ACSM3: variants seen among roughly 807,000 people sequenced by gnomAD.
ACSM3 encodes acyl-CoA synthetase medium chain family member 3.
In ACSM3, 61 loss-of-function variants were observed where a neutral mutation model predicts 74.1. That is an observed-to-expected ratio of 0.82 (90% confidence interval 0.67 to 1.02). ACSM3 has a LOEUF of 1.02. ACSM3 is among the 50% of genes least tolerant of loss of function. ACSM3 has a pLI of 0.00. For missense variants in ACSM3, 660 were observed against 697.0 expected, an observed-to-expected ratio of 0.95 and a Z score of 0.60; for synonymous variants, 213 against 241.5, an observed-to-expected ratio of 0.88 and a Z score of 1.09.
chr16:20,770,018 A>T lies in ACSM3; in HGVS notation c.-17A>T. 1.2e-6 allele frequency: 2 copies of T among 1,613,760 alleles called. No individual in the cohort carries two copies. The highest frequency in any genetic ancestry group is 2.2e-5 in the South Asian group (2 of 91,070). On this transcript the variant is annotated 5_prime_UTR_variant, in exon 2 of 14. It adds an upstream start codon to the 5' untranslated region. Transcript: ENST00000289416. ...TCTCTGTGCAAATCCTGAGTGCTAA[A>T]GCTTCCAACAAGACTGATGCTAGCT... is the stretch of plus-strand genomic sequence containing the variant.
At chr16:20,746,492 C>T (rs1465260438) in intron 1 of ACSM3, among the ~76,000 whole-genome samples, 2 of 152,138 alleles carry the variant, frequency 1.3e-5, no homozygotes, top group Non-Finnish European at 2.9e-5. Flanking sequence ...GTATATATAG[C>T]GTAAAGTAAA....
In ACSM3 at chr16:20,796,390, T is replaced by C; in HGVS notation, c.1575T>C (p.Val525=). 1 of 1,612,238 alleles carries C rather than the reference T, an allele frequency of 6.2e-7. No individual in the cohort carries two copies. The highest frequency in any genetic ancestry group is 8.5e-7 in the Non-Finnish European group (1 of 1,179,616). ...TTTAGGTAGTAAAGGCTTTTGTCGT[T>C]CTAAATCCTGATTACAAGTCACATG... ...IRGEVVKAFV[V]LNPDYKSHDQ... The change falls in exon 13 of 14, where the codon GTT becomes GTC. Residue 525 remains valine, a synonymous_variant. Transcript: ENST00000289416.
In ACSM3 at chr16:20,790,526, A is replaced by T; in HGVS notation, c.1225-61A>T. On this transcript the variant is annotated intron_variant, in intron 9 of 13. Coordinates refer to ENST00000289416, the MANE Select transcript of ACSM3 (RefSeq NM_005622.4). The surrounding 1 kb of genome is among the most constrained non-coding windows in gnomAD (Gnocchi z 4.0). ...AGCCAAAATAAAACTTGCAAAGTTA[A>T]TATTTAAGCTGCGACATTAAACAAA... 6.8e-7 allele frequency: 1 copy of T among 1,469,014 alleles called. No homozygotes were observed. Among genetic ancestry groups the T allele is most frequent in the South Asian group, 1.2e-5 (1 of 83,706 alleles). The allele number at this position is 1,469,014 out of a possible 1,614,324, so 91.0% of individuals were successfully genotyped here. A position where few individuals can be genotyped will look rare whatever the true frequency, so the allele number is the denominator to read the frequency against.
At chr16:20,795,172 A>G (rs2080695498) in intron 12 of ACSM3, among the ~76,000 whole-genome samples, 1 of 152,212 alleles carries the variant, frequency 6.6e-6, no homozygotes, top group South Asian at 2.1e-4. Context: ...GTAAATTAAA[A>G]ATGTTCAAGT....
At chr16:20,768,334 C>T (rs1375165091) in intron 1 of ACSM3, among the ~76,000 whole-genome samples, 1 of 152,204 alleles carries the variant, frequency 6.6e-6, no homozygotes, top group Non-Finnish European at 1.5e-5. Context: ...GTGTATTTAA[C>T]CATCATGCCA....
intron 1 of ACSM3, among the ~76,000 whole-genome samples, chr16:20,746,975 T>C (rs2079960485): frequency 6.6e-6 from 1 of 152,254 alleles, no homozygotes; most frequent in African/African-American, 2.4e-5. Flanking sequence ...GTCTTTCTTC[T>C]TAAACTTTTC....
At chr16:20,682,411 A>G (rs1479147479) in intron 1 of ACSM3, 1 of 1,613,998 alleles carries the variant, frequency 6.2e-7, no homozygotes, top group Admixed American at 1.7e-5. Context: ...ACTGTAGTCG[A>G]TAGAGAATGT....
At chr16:20,745,264 C>T (rs1893272514) in intron 1 of ACSM3, among the ~76,000 whole-genome samples, 1 of 152,150 alleles carries the variant, frequency 6.6e-6, no homozygotes, top group Non-Finnish European at 1.5e-5. Flanking sequence ...ACACCAGGGA[C>T]TCTGTCGCTT....
chr16:20,717,792 A>G (rs2079767643), intron 1 of ACSM3, among the ~76,000 whole-genome samples: 1 of 151,650 alleles, frequency 6.6e-6, no homozygotes, highest in Admixed American at 6.6e-5. Flanking sequence ...TTTAGGCTAT[A>G]GGGAGATGAA....
chr16:20,711,850 GT>G (rs1431908114), intron 1 of ACSM3, among the ~76,000 whole-genome samples: 1 of 152,186 alleles, frequency 6.6e-6, no homozygotes, highest in African/African-American at 2.4e-5. Flanking sequence ...AAGGGATGTA[GT>G]TCTGCCTCCA....
At chr16:20,742,994 G>A (rs1248874913) in intron 1 of ACSM3, among the ~76,000 whole-genome samples, 6 of 146,308 alleles carry the variant, frequency 4.1e-5, no homozygotes, top group Admixed American at 1.4e-4. Flanking sequence ...AGGCTGGAGT[G>A]CAGTGGTGCG....
At chr16:20,784,132 G>A (rs2080416898) in intron 7 of ACSM3, among the ~76,000 whole-genome samples, 1 of 152,052 alleles carries the variant, frequency 6.6e-6, no homozygotes, top group African/African-American at 2.4e-5. Flanking sequence ...AAACATAAAT[G>A]GTATCACAAG....
At chr16:20,782,147 C>A (rs2080365344) in intron 7 of ACSM3, among the ~76,000 whole-genome samples, 1 of 152,264 alleles carries the variant, frequency 6.6e-6, no homozygotes, top group East Asian at 1.9e-4. Flanking sequence ...GGATGCATAT[C>A]TTTTATTCTA....
rs2079443522 is a variant in ACSM3 at position 20,681,416 on chromosome 16, TC to T, written c.-190+6596del. On this transcript the variant is annotated intron_variant, in intron 1 of 3. Coordinates refer to the ACSM3 transcript ENST00000561584. ...GGCCCATGTTCCAATTCAGACTTGG[TC>T]CTAATGGTCCCTGGATTCTTTGTTT... The T allele has an allele frequency of 5.3e-5, 8 of 152,318 alleles. No homozygotes were observed. In the South Asian group the frequency reaches 1.7e-3, roughly 32 times the overall value. The allele number at this position is 152,318 out of a possible 1,614,324, so 9.4% of individuals were successfully genotyped here.
intron 4 of ACSM3, among the ~76,000 whole-genome samples, chr16:20,779,150 G>T (rs1463738459): frequency 6.6e-6 from 1 of 152,080 alleles, no homozygotes; most frequent in East Asian, 1.9e-4. Flanking sequence ...TTAGCCAGGC[G>T]CAGTGGCTGA....
At chr16:20,741,656 A>G in intron 1 of ACSM3, 1 of 1,583,446 alleles carries the variant, frequency 6.3e-7, no homozygotes, top group East Asian at 2.3e-5. Context: ...CGCAGCGCCG[A>G]GCGCGCTTGG....
At chr16:20,731,382 G>C (rs910102910) in intron 1 of ACSM3, among the ~76,000 whole-genome samples, 1 of 152,178 alleles carries the variant, frequency 6.6e-6, no homozygotes, top group African/African-American at 2.4e-5. Context: ...TGTGTGACCT[G>C]TAAATAGAAC....
chr16:20,781,195 G>A, intron 6 of ACSM3, 65 bp downstream of exon 6: 2 of 1,569,664 alleles, frequency 1.3e-6, no homozygotes, highest in Non-Finnish European at 1.7e-6. Context: ...GACAGAACTG[G>A]TGAATAAAGC....
At chr16:20,794,913 A>G (rs2152491573) in intron 12 of ACSM3, among the ~76,000 whole-genome samples, 1 of 152,330 alleles carries the variant, frequency 6.6e-6, no homozygotes, top group Non-Finnish European at 1.5e-5. Flanking sequence ...CAGTAGTTTA[A>G]AAAGATAAAA....
Sources: allele counts gnomAD v4.1 joint callset (sites outside exome capture counted in the v4.1 genomes callset), GRCh38; gene constraint gnomAD v4.1.1; non-coding constraint Gnocchi (gnomAD v3.1); transcripts MANE v1.5; gene names NCBI Gene and HGNC (gene_info 2026-07-23, HGNC 2026-07-21).